Variants in GHR observed in about 807,000 individuals in gnomAD.
GHR encodes growth hormone receptor.
In GHR, 35 loss-of-function variants were observed where a neutral mutation model predicts 67.1. The ratio of observed to expected loss-of-function variants is 0.52; its 90% confidence interval spans 0.40 to 0.69. The LOEUF (loss-of-function observed/expected upper bound fraction) is 0.69, where lower values mean the gene tolerates loss of function less well. Ranked by LOEUF, GHR falls within the 30% of genes least tolerant of loss-of-function variation. GHR has a pLI of 0.00. For missense variants in GHR, 792 were observed against 764.6 expected (o/e 1.04, Z -0.42); for synonymous variants, 272 against 269.1 (o/e 1.01, Z -0.10).
intron 2 of GHR, among the ~76,000 whole-genome samples, chr5:42,614,188 G>T (rs1017419442): frequency 6.6e-6 from 1 of 152,066 alleles, no homozygotes; most frequent in African/African-American, 2.4e-5. Context: ...CCCATTGGAA[G>T]TCTATTTATT....
intron 1 of GHR, among the ~76,000 whole-genome samples, chr5:42,474,295 GAGAAAGAAAGAA>G (rs59927289): frequency 1.2e-5 from 1 of 81,070 alleles, no homozygotes; most frequent in African/African-American, 5.7e-5. Flanking sequence ...AAAAGAGAAA[GAGAAAGAAAGAA>G]AGAAAGAAAG....
At chr5:42,583,627 A>G (rs1270625214) in intron 2 of GHR, among the ~76,000 whole-genome samples, 1 of 152,176 alleles carries the variant, frequency 6.6e-6, no homozygotes, top group African/African-American at 2.4e-5. Context: ...CACTATTTGC[A>G]CACAAGTTAC....
intron 3 of GHR, among the ~76,000 whole-genome samples, chr5:42,659,998 G>C (rs566301825): frequency 4.6e-5 from 7 of 152,110 alleles, no homozygotes; most frequent in Non-Finnish European, 8.8e-5. Flanking sequence ...ACGGAGTCTC[G>C]CTGATTGCTA....
At chr5:42,474,223 GAA>G (rs1745139196) in intron 1 of GHR, among the ~76,000 whole-genome samples, 1 of 142,262 alleles carries the variant, frequency 7.0e-6, no homozygotes, top group South Asian at 2.2e-4. Context: ...GAGAGAGAGA[GAA>G]AGAAAAAGAA....
chr5:42,565,435 T>G, intron 1 of GHR: 1 of 983,426 alleles, frequency 1.0e-6, no homozygotes, highest in Non-Finnish European at 1.2e-6. Flanking sequence ...ACTATTACCA[T>G]GATTGTTATG....
chr5:42,706,225 C>A (rs1758169099), intron 6 of GHR, among the ~76,000 whole-genome samples: 1 of 151,860 alleles, frequency 6.6e-6, no homozygotes, highest in Non-Finnish European at 1.5e-5. Flanking sequence ...TGCCTTTTGT[C>A]CATTTTTTAA....
intron 3 of GHR, among the ~76,000 whole-genome samples, chr5:42,642,527 A>G (rs1754531876): frequency 6.6e-6 from 1 of 152,154 alleles, no homozygotes; most frequent in Non-Finnish European, 1.5e-5. Flanking sequence ...TAGTATAGAC[A>G]GGCTGAAACC....
intron 2 of GHR, among the ~76,000 whole-genome samples, chr5:42,615,298 T>C (rs896204356): frequency 9.2e-5 from 14 of 152,030 alleles, no homozygotes; most frequent in African/African-American, 3.4e-4. Context: ...TGTTACTAAT[T>C]ACAGAAACTT....
chr5:42,460,081 T>G (rs1357118560), intron 1 of GHR, among the ~76,000 whole-genome samples: 1 of 152,174 alleles, frequency 6.6e-6, no homozygotes, highest in Non-Finnish European at 1.5e-5. Flanking sequence ...GAGTTGGTGC[T>G]CTTACAAGAA....
intron 1 of GHR, among the ~76,000 whole-genome samples, chr5:42,477,284 T>G (rs1745379805): frequency 6.6e-6 from 1 of 152,182 alleles, no homozygotes; most frequent in South Asian, 2.1e-4. Context: ...TCTATCATTG[T>G]TGGACATTTG....
At chr5:42,651,762 A>T (rs768769251) in intron 3 of GHR, among the ~76,000 whole-genome samples, 2 of 152,180 alleles carry the variant, frequency 1.3e-5, no homozygotes, top group Non-Finnish European at 2.9e-5. Flanking sequence ...TCAGTGTTAT[A>T]TCCCAATATG....
At chr5:42,618,119 A>T (rs1753260597) in intron 2 of GHR, among the ~76,000 whole-genome samples, 1 of 152,136 alleles carries the variant, frequency 6.6e-6, no homozygotes, top group African/African-American at 2.4e-5. Context: ...ACTAAGCATC[A>T]GGTAGCTACT....
Position 42,670,066 on chromosome 5 carries a change from C to A in GHR, c.137-18824C>A, listed in dbSNP as rs1029643388. ...CACAAAAGACTCTGAATAGCCAAAG[C>A]AATCTTGACCAAAAAGAGCAATGCT... On this transcript the variant is annotated intron_variant, in intron 3 of 9. Coordinates refer to ENST00000230882, the MANE Select transcript of GHR (RefSeq NM_000163.5). Among the ~76,000 whole-genome samples, 4 of 152,244 alleles carry A rather than the reference C, an allele frequency of 2.6e-5. No individual in the cohort carries two copies. In the South Asian group the frequency reaches 8.3e-4, roughly 32 times the overall value.
intron 2 of GHR, among the ~76,000 whole-genome samples, chr5:42,595,458 TA>T (rs879675714): frequency 1.3e-5 from 2 of 152,250 alleles, no homozygotes; most frequent in Non-Finnish European, 2.9e-5. Context: ...CAACTTACTA[TA>T]AATTCTTCAG....
intron 1 of GHR, among the ~76,000 whole-genome samples, chr5:42,533,251 G>A (rs1480102768): frequency 8.6e-5 from 13 of 151,874 alleles, no homozygotes; most frequent in Admixed American, 5.9e-4. Flanking sequence ...TCTCCTCTTC[G>A]TTGATTCTTC....
intron 1 of GHR, among the ~76,000 whole-genome samples, chr5:42,499,569 T>C (rs547661955): frequency 1.1e-4 from 16 of 152,230 alleles, no homozygotes; most frequent in Non-Finnish European, 2.4e-4. Context: ...GTTGTTGTTG[T>C]TGTGGTTGTT....
chr5:42,574,962 A>T (rs550464040), intron 2 of GHR, among the ~76,000 whole-genome samples: 1 of 152,326 alleles, frequency 6.6e-6, no homozygotes, highest in South Asian at 2.1e-4. Flanking sequence ...CATTCAATAA[A>T]TACTATATAA....
At chr5:42,447,203 A>G (rs1224160549) in intron 1 of GHR, among the ~76,000 whole-genome samples, 1 of 151,998 alleles carries the variant, frequency 6.6e-6, no homozygotes, top group Non-Finnish European at 1.5e-5. Context: ...TCCACGAATA[A>G]GTTCTTTAGC....
rs902952343 is a variant in GHR, at chr5:42,720,828, T to C, written c.*1404T>C. 9 of 152,250 alleles carry C rather than the reference T, an allele frequency of 5.9e-5. No homozygotes were observed. Among genetic ancestry groups the C allele is most frequent in the African/African-American group, 1.9e-4 (8 of 41,466 alleles). 9.4% of individuals were successfully genotyped at this position (152,250 alleles called of 1,614,324 possible). ...TTTTTTACTTCCTCTCTGAGTGGAC[T>C]GGCCTCAAAGCAAGCATTCAGAAGA... On this transcript the variant is annotated 3_prime_UTR_variant, in exon 10 of 10. Coordinates refer to ENST00000230882, the MANE Select transcript of GHR (RefSeq NM_000163.5).
Sources: gnomAD v4.1 joint callset for allele counts (sites outside exome capture counted in the v4.1 genomes callset) on GRCh38, gnomAD v4.1.1 for gene constraint, MANE v1.5 for transcripts, NCBI Gene and HGNC (gene_info 2026-07-23, HGNC 2026-07-21) for gene names.